CAPN8: variants seen among roughly 807,000 people sequenced by gnomAD.
CAPN8 encodes calpain-8.
Under a neutral mutation model 80.9 loss-of-function variants are expected in CAPN8, and 87 were observed. That is an observed-to-expected ratio of 1.07 (90% confidence interval 0.90 to 1.28). The LOEUF (loss-of-function observed/expected upper bound fraction) is 1.28. Ranked by LOEUF, CAPN8 falls within the 50% of genes most tolerant of loss-of-function variation. The pLI is 0.00. For synonymous variants in CAPN8, 299 were observed against 273.8 expected (o/e 1.09, Z -0.91); for missense variants, 757 against 702.0 (o/e 1.08, Z -0.89).
intron 2 of CAPN8, chr1:223,642,878 C>T (rs776022072): frequency 1.1e-5 from 5 of 452,890 alleles, no homozygotes; most frequent in South Asian, 7.9e-5. Context: ...GAAACAGCTT[C>T]AGGACTTTCT....
intron 2 of CAPN8, among the ~76,000 whole-genome samples, chr1:223,648,081 G>A (rs898296394): frequency 3.9e-5 from 6 of 152,118 alleles, no homozygotes; most frequent in East Asian, 1.9e-4. Flanking sequence ...TGTAATCCAC[G>A]GCCTCAAACT....
chr1:223,544,967 T>C, intron 17 of CAPN8, 117 bp from the exon 18 acceptor site: 1 of 1,507,136 alleles, frequency 6.6e-7, no homozygotes. Context: ...AAGGAGACCC[T>C]ATTGACTCCT....
intron 12 of CAPN8, among the ~76,000 whole-genome samples, chr1:223,558,682 G>C (rs1335825187): frequency 2.0e-5 from 3 of 151,736 alleles, no homozygotes; most frequent in Admixed American, 6.6e-5. Flanking sequence ...AGTGTGTGCG[G>C]TATGTACATG....
intron 1 of CAPN8, among the ~76,000 whole-genome samples, chr1:223,661,498 C>T (rs890957715): frequency 1.1e-4 from 16 of 152,044 alleles, no homozygotes; most frequent in Admixed American, 1.3e-4. Context: ...GGCATTGTTA[C>T]GAGTGCCTGT....
intron 11 of CAPN8, among the ~76,000 whole-genome samples, chr1:223,609,866 C>A (rs1437150219): frequency 3.9e-5 from 6 of 152,198 alleles, no homozygotes; most frequent in Admixed American, 3.9e-4. Context: ...GATGGTCAGT[C>A]TGGGAACCCA....
At chr1:223,613,644 A>G (rs1657091875) in intron 10 of CAPN8, among the ~76,000 whole-genome samples, 1 of 152,250 alleles carries the variant, frequency 6.6e-6, no homozygotes, top group Non-Finnish European at 1.5e-5. Flanking sequence ...TGCAAATGAC[A>G]GGCTGGCCTG....
At chr1:223,549,572 A>G (rs1325996658) in intron 15 of CAPN8, 190 bp from the exon 16 acceptor site, 1 of 852,412 alleles carries the variant, frequency 1.2e-6, no homozygotes. Flanking sequence ...GCCGTGGGAG[A>G]TAGAACAGAC....
chr1:223,644,588 G>C (rs528023545), intron 2 of CAPN8, among the ~76,000 whole-genome samples: 1 of 152,168 alleles, frequency 6.6e-6, no homozygotes, highest in Non-Finnish European at 1.5e-5. Flanking sequence ...ATAAATAAAC[G>C]CATGTGACAG....
chr1:223,648,476 A>C (rs1194648197), intron 2 of CAPN8, among the ~76,000 whole-genome samples: 1 of 152,250 alleles, frequency 6.6e-6, no homozygotes, highest in East Asian at 1.9e-4. Flanking sequence ...GCTACAGATC[A>C]AAAGGTGTCC....
At chr1:223,652,633 C>G (rs1658372387) in intron 2 of CAPN8, among the ~76,000 whole-genome samples, 1 of 152,098 alleles carries the variant, frequency 6.6e-6, no homozygotes, top group African/African-American at 2.4e-5. Context: ...CCCTGGCTCC[C>G]CACCCTGACG....
At chr1:223,544,408 G>A (rs1450990598) in intron 18 of CAPN8, 8 of 587,556 alleles carry the variant, frequency 1.4e-5, no homozygotes, top group Middle Eastern at 4.5e-4. Flanking sequence ...CAGGTCCAGC[G>A]CTAGTACCAG....
intron 7 of CAPN8, among the ~76,000 whole-genome samples, chr1:223,621,704 G>A (rs945551668): frequency 5.3e-5 from 8 of 152,138 alleles, no homozygotes; most frequent in African/African-American, 1.4e-4. Flanking sequence ...GACATGAGCA[G>A]TCATGATGCT....
At chr1:223,549,499 T>C (rs1299358518) in intron 15 of CAPN8, 117 bp from the exon 16 acceptor site, 1 of 1,478,142 alleles carries the variant, frequency 6.8e-7, no homozygotes, top group Admixed American at 2.0e-5. Flanking sequence ...CCGAACTTGG[T>C]CTCTGCCAAA....
rs572261534 is a variant in CAPN8 at position 223,619,281 on chromosome 1, C to T, written c.1135+12G>A. 39 of 1,551,464 alleles carry T rather than the reference C, an allele frequency of 2.5e-5. No homozygotes were observed. The Middle Eastern group carries it at 5.1e-4, about 20-fold the overall frequency. On this transcript the variant is annotated intron_variant, in intron 9 of 20. Coordinates refer to ENST00000366872, the MANE Select transcript of CAPN8 (RefSeq NM_001143962.2). ...CTGGAGGAGGTTGGGCCAAGGCAGCCCTTCACCTTACCTGGGTAGTTCTGG... is the reference window on the plus strand; with the variant it reads ...CTGGAGGAGGTTGGGCCAAGGCAGCTCTTCACCTTACCTGGGTAGTTCTGG...
In CAPN8 at chr1:223,627,011, G is replaced by A; in HGVS notation, c.707C>T (p.Ser236Phe). The A allele has an allele frequency of 3.2e-6, 5 of 1,551,818 alleles. No individual in the cohort carries two copies. The highest frequency in any genetic ancestry group is 2.7e-5 in the African/African-American group (2 of 73,172). Residue 236 changes from serine to phenylalanine, a missense_variant, in exon 5 of 21, where the codon TCT becomes TTT. Ser to Phe is a radical substitution (Grantham distance 155, BLOSUM62 -2). Transcript: ENST00000366872. ...QIIRKALCAG[S>F]LLGCSIDVSS... Reference sequence around the variant, plus strand: ...CACATCAATGGAGCAGCCCAGCAGAGACCCCGCACAGAGGGCCTTCCGGAT... The same window carrying A: ...CACATCAATGGAGCAGCCCAGCAGAAACCCCGCACAGAGGGCCTTCCGGAT...
chr1:223,660,507 T>A (rs748964659), intron 1 of CAPN8, among the ~76,000 whole-genome samples: 7 of 152,248 alleles, frequency 4.6e-5, no homozygotes, highest in Non-Finnish European at 7.3e-5. Context: ...TGCTTGACCT[T>A]GAGCCCTTCC....
chr1:223,628,644 C>T lies in CAPN8; in HGVS notation c.426+18G>A, dbSNP rs536776898. 1.5e-5 allele frequency: 23 copies of T among 1,534,304 alleles called. No homozygotes were observed. The African/African-American group carries it at 1.8e-4, about 12-fold the overall frequency. ...AATACGGAAAACAGCAACAAAGGGC[C>T]AGAGCAGAGCACAGTACCTGAAAGT... On this transcript the variant is annotated intron_variant, in intron 3 of 20. Coordinates refer to ENST00000366872, the MANE Select transcript of CAPN8 (RefSeq NM_001143962.2).
intron 1 of CAPN8, among the ~76,000 whole-genome samples, chr1:223,656,670 T>TTTTA (rs1658498308): frequency 1.5e-5 from 1 of 68,022 alleles, no homozygotes; most frequent in Admixed American, 1.7e-4. Flanking sequence ...CGTTTTGGGT[T>TTTTA]TTTTTGTTTT....
chr1:223,554,215 C>T (rs1385655614), intron 13 of CAPN8, among the ~76,000 whole-genome samples: 5 of 152,194 alleles, frequency 3.3e-5, no homozygotes, highest in African/African-American at 1.2e-4. Context: ...CAGAAAATGA[C>T]ACTGACACCA....
Sources: gnomAD v4.1 joint callset for allele counts (sites outside exome capture counted in the v4.1 genomes callset) on GRCh38, gnomAD v4.1.1 for gene constraint, MANE v1.5 for transcripts, NCBI Gene and HGNC (gene_info 2026-07-23, HGNC 2026-07-21) for gene names.